The following ADAM2 variants were observed in gnomAD, a reference collection of about 807,000 sequenced individuals.
ADAM2 encodes the protein disintegrin and metalloproteinase domain-containing protein 2.
A neutral mutation model predicts 99.3 loss-of-function variants in ADAM2; 101 were observed. The observed-to-expected ratio is 1.02, with a 90% CI of 0.87 to 1.20. The LOEUF is 1.20. Among genes scored for constraint, ADAM2 ranks in the 50% most tolerant of loss-of-function variants. The pLI is 0.00. For synonymous variants in ADAM2, 323 were observed against 287.6 expected (o/e 1.12, Z -1.25); for missense variants, 948 against 878.7 (o/e 1.08, Z -1.00).
chr8:39,795,466 C>A (rs1303794753), intron 7 of ADAM2, among the ~76,000 whole-genome samples: 1 of 152,112 alleles, frequency 6.6e-6, no homozygotes, highest in East Asian at 1.9e-4. Context: ...TCTCCACAAC[C>A]CTTAATTGGA....
At chr8:39,774,846 A>G (rs1034676790) in intron 11 of ADAM2, 1 of 152,110 alleles carries the variant, frequency 6.6e-6, no homozygotes. Flanking sequence ...AAGTTTAATG[A>G]ATAATGCTCA....
intron 15 of ADAM2, among the ~76,000 whole-genome samples, chr8:39,756,421 C>T (rs1487903171): frequency 6.6e-6 from 1 of 152,140 alleles, no homozygotes; most frequent in Non-Finnish European, 1.5e-5. Context: ...TTAATGTGAG[C>T]ATTTGCCTAC....
At chr8:39,809,248 ATT>A (rs1804589083) in intron 7 of ADAM2, among the ~76,000 whole-genome samples, 160 bp downstream of exon 7, 1 of 152,196 alleles carries the variant, frequency 6.6e-6, no homozygotes, top group Non-Finnish European at 1.5e-5. Context: ...ACTATATAAA[ATT>A]TGATTCTCAA....
At chr8:39,814,552 T>TCCA (rs1286307171) in intron 6 of ADAM2, among the ~76,000 whole-genome samples, 1 of 152,154 alleles carries the variant, frequency 6.6e-6, no homozygotes, top group East Asian at 1.9e-4. Flanking sequence ...ATTACACTGA[T>TCCA]CCATTTGCAA....
At chr8:39,830,655 T>C (rs1043455298) in intron 3 of ADAM2, among the ~76,000 whole-genome samples, 15 of 152,090 alleles carry the variant, frequency 9.9e-5, no homozygotes, top group African/African-American at 2.9e-4. Context: ...TGTCCTCTGG[T>C]CATTAGCATG....
At chr8:39,756,492 A>G (rs1045860724) in intron 15 of ADAM2, among the ~76,000 whole-genome samples, 2 of 152,222 alleles carry the variant, frequency 1.3e-5, no homozygotes, top group African/African-American at 4.8e-5. Flanking sequence ...GGAATCTTAA[A>G]TGCTACCACA....
intron 2 of ADAM2, among the ~76,000 whole-genome samples, chr8:39,835,226 C>T (rs1276686694): frequency 6.6e-6 from 1 of 152,076 alleles, no homozygotes; most frequent in Non-Finnish European, 1.5e-5. Flanking sequence ...TCAGGAATGC[C>T]AATCACTCTA....
intron 12 of ADAM2, among the ~76,000 whole-genome samples, chr8:39,768,951 A>T (rs1376179976): frequency 6.6e-6 from 1 of 152,210 alleles, no homozygotes; most frequent in Non-Finnish European, 1.5e-5. Context: ...AAGAAGGTAG[A>T]TTCTTAGTGT....
rs779139191 is a variant in ADAM2, at chr8:39,749,303, A to G, written c.2014+9T>C. 6.3e-7 allele frequency: 1 copy of G among 1,593,596 alleles called. No individual in the cohort carries two copies. The highest frequency in any genetic ancestry group is 1.1e-5 in the South Asian group (1 of 87,894). On this transcript the variant is annotated intron_variant, in intron 18 of 20. Coordinates refer to ENST00000265708, the MANE Select transcript of ADAM2 (RefSeq NM_001464.5). ...TTTAATTATTTTCTGATTTATTATT[A>G]ATACTTACCAGGGAGTCTGGCTGGT...
chr8:39,826,307 T>C (rs190999792), intron 3 of ADAM2, among the ~76,000 whole-genome samples: 1 of 152,294 alleles, frequency 6.6e-6, no homozygotes, highest in Non-Finnish European at 1.5e-5. Context: ...TCAGTTGGTG[T>C]TTGACAAAAT....
intron 4 of ADAM2, among the ~76,000 whole-genome samples, chr8:39,822,904 G>A (rs1286039611): frequency 1.3e-5 from 2 of 152,078 alleles, no homozygotes; most frequent in Non-Finnish European, 2.9e-5. Flanking sequence ...GAGTAGCTGG[G>A]ACTACAGGCA....
In ADAM2 at chr8:39,769,572, A is replaced by G. The variant is rs1239530162; in HGVS notation, c.1032T>C (p.His344=). Residue 344 remains histidine (H), a synonymous_variant, in exon 12 of 21, where the codon CAT becomes CAC. Transcript: ENST00000265708. Reference sequence around the variant, plus strand: ...TACTAAAGATCTTCACACCACTGAAATGACTAAAGACACATCAAACGTCAA... The same window carrying G: ...TACTAAAGATCTTCACACCACTGAAGTGACTAAAGACACATCAAACGTCAA... ...AVCIMNPEAI[H]FSGVKIFSNC... The G allele has an allele frequency of 6.2e-7, 1 of 1,610,708 alleles. No homozygotes were observed.
intron 1 of ADAM2, 103 bp downstream of exon 1, chr8:39,838,028 C>G: frequency 7.7e-7 from 1 of 1,296,294 alleles, no homozygotes; most frequent in South Asian, 1.2e-5. Flanking sequence ...AGTTGGAAAC[C>G]CCTCAGGAAA....
At position 39,773,207 on chromosome 8, in the gene ADAM2, CA is replaced by C. The variant is rs1212873834; in HGVS notation, c.1029-3633del. 2.0e-5 allele frequency among the ~76,000 whole-genome samples: 3 copies of C among 151,662 alleles called. No homozygotes were observed. In the East Asian group the frequency reaches 5.8e-4, roughly 29 times the overall value. ...TAAAATAGCTAGACAAAGAAGAAAT[CA>C]CAAAAAATTGAAAATATTTCAACTA... On this transcript the variant is annotated intron_variant, in intron 11 of 20. Coordinates refer to ENST00000265708, the MANE Select transcript of ADAM2 (RefSeq NM_001464.5).
At chr8:39,819,249 G>GA (rs1034923100) in intron 6 of ADAM2, among the ~76,000 whole-genome samples, 1 of 151,840 alleles carries the variant, frequency 6.6e-6, no homozygotes. Flanking sequence ...ACTGATCTTT[G>GA]AAAAAAATCA....
At position 39,824,898 on chromosome 8, in the gene ADAM2, CT is replaced by C; in HGVS notation, c.189-2del. 7.3e-7 allele frequency: 1 copy of C among 1,377,144 alleles called. No homozygotes were observed. The highest frequency in any genetic ancestry group is 1.2e-5 in the South Asian group (1 of 81,448). 85.3% of individuals were successfully genotyped at this position (1,377,144 alleles called of 1,614,324 possible). A position where few individuals can be genotyped will look rare whatever the true frequency, so the allele number is the denominator to read the frequency against. On this transcript the variant is annotated splice_acceptor_variant, in intron 3 of 20. Transcript: ENST00000265708. LOFTEE classifies it high-confidence loss of function. ...TCTAAAATTATGGGGTAAAAAGTTT[CT>C]GTAACATAAAGATAAAATGGAAAAA... is the stretch of plus-strand genomic sequence containing the variant.
At chr8:39,829,268 T>G (rs1434335364) in intron 3 of ADAM2, among the ~76,000 whole-genome samples, 1 of 151,944 alleles carries the variant, frequency 6.6e-6, no homozygotes, top group African/African-American at 2.4e-5. Flanking sequence ...AGAATTATCT[T>G]TACCAAATAC....
intron 13 of ADAM2, 30 bp from the exon 14 acceptor site, chr8:39,767,073 T>G: frequency 3.1e-6 from 5 of 1,606,452 alleles, no homozygotes; most frequent in Non-Finnish European, 4.3e-6. Flanking sequence ...GATATTGAAT[T>G]AAGCAGAATG....
chr8:39,768,480 C>T (rs1802654065), intron 12 of ADAM2, among the ~76,000 whole-genome samples: 1 of 152,086 alleles, frequency 6.6e-6, no homozygotes, highest in Admixed American at 6.5e-5. Context: ...AACCCAGGTG[C>T]TTTATCTAAG....
Sources: allele counts gnomAD v4.1 joint callset (sites outside exome capture counted in the v4.1 genomes callset), GRCh38; gene constraint gnomAD v4.1.1; transcripts MANE v1.5; gene names NCBI Gene and HGNC (gene_info 2026-07-23, HGNC 2026-07-21).